PSD3: variants seen among roughly 807,000 people sequenced by gnomAD.
PSD3 encodes the protein PH and SEC7 domain-containing protein 3.
In PSD3, 49 loss-of-function variants were observed where a neutral mutation model predicts 105.5. The ratio of observed to expected loss-of-function variants is 0.46; its 90% CI spans 0.37 to 0.59. The LOEUF (loss-of-function observed/expected upper bound fraction) is 0.59. Among genes scored for constraint, PSD3 ranks in the 20% least tolerant of loss-of-function variants. PSD3 has a pLI of 0.00. For synonymous variants in PSD3, 557 were observed against 457.8 expected (o/e 1.22, Z -2.77); for missense variants, 1,561 against 1,263.8 (o/e 1.24, Z -3.57).
chr8:19,051,212 G>A lies in PSD3; in HGVS notation c.324+32994C>T, dbSNP rs78581585. 2.0e-3 allele frequency among the ~76,000 whole-genome samples: 311 copies of A among 152,128 alleles called. 5 individuals carry two copies. The East Asian group carries it at 0.044, about 21-fold the overall frequency. ...GACCCTCCTCCCTCTGGTCCCAATC[G>A]GGGGATGCTCATTCCTTCCCATCTT... On this transcript the variant is annotated intron_variant, in intron 1 of 1. Coordinates refer to the PSD3 transcript ENST00000521475.
chr8:18,577,137 T>C lies in PSD3; in HGVS notation c.2482-1852A>G, dbSNP rs545580796. Among the ~76,000 whole-genome samples, 5 of 152,098 alleles carry C rather than the reference T, an allele frequency of 3.3e-5. No homozygotes were observed. The South Asian group carries it at 8.3e-4, about 25-fold the overall frequency. ...ATTTTTTCATTGCTTTCTAGATAGT[T>C]TGTAGTTTTAATTTTTTATCTCTTC... On this transcript the variant is annotated intron_variant, in intron 12 of 15. Coordinates refer to ENST00000327040, the MANE Select transcript of PSD3 (RefSeq NM_015310.4).
intron 2 of PSD3, among the ~76,000 whole-genome samples, chr8:18,921,406 C>G (rs185470984): frequency 6.6e-6 from 1 of 152,304 alleles, no homozygotes; most frequent in East Asian, 1.9e-4. Context: ...TGTAGAGATG[C>G]TTGGGTCATC....
intron 1 of PSD3, among the ~76,000 whole-genome samples, chr8:19,034,211 G>A (rs1006171938): frequency 1.3e-5 from 2 of 152,108 alleles, no homozygotes; most frequent in African/African-American, 4.8e-5. Flanking sequence ...CAAGAGAAAA[G>A]TTTGCTCTCT....
chr8:19,022,864 C>CTTTTTTTTTTTTT (rs5889843), intron 1 of PSD3, among the ~76,000 whole-genome samples: 1 of 143,694 alleles, frequency 7.0e-6, no homozygotes, highest in African/African-American at 2.6e-5. Flanking sequence ...TCTCAGGACC[C>CTTTTTTTTTTTTT]TTTTTTTTTT....
At chr8:18,754,583 G>T (rs759200032) in intron 9 of PSD3, among the ~76,000 whole-genome samples, 6 of 152,084 alleles carry the variant, frequency 3.9e-5, no homozygotes, top group Non-Finnish European at 8.8e-5. Flanking sequence ...ATATGCCAGG[G>T]GGAGGATCAG....
intron 1 of PSD3, among the ~76,000 whole-genome samples, chr8:18,973,492 T>C (rs1824765224): frequency 2.0e-5 from 3 of 152,166 alleles, no homozygotes; most frequent in African/African-American, 7.2e-5. Flanking sequence ...CACTCTGGTG[T>C]CTCTTCCTCT....
intron 11 of PSD3, among the ~76,000 whole-genome samples, chr8:18,611,055 C>A (rs1805226683): frequency 6.6e-6 from 1 of 152,064 alleles, no homozygotes; most frequent in Non-Finnish European, 1.5e-5. Flanking sequence ...CATATACAGG[C>A]AGTAACATAA....
At chr8:18,656,790 G>C (rs1233225620) in intron 9 of PSD3, among the ~76,000 whole-genome samples, 1 of 152,020 alleles carries the variant, frequency 6.6e-6, no homozygotes, top group Non-Finnish European at 1.5e-5. Context: ...CATGATAATA[G>C]TGCACAACAG....
intron 9 of PSD3, among the ~76,000 whole-genome samples, chr8:18,687,520 T>G (rs1800725124): frequency 6.6e-6 from 1 of 151,196 alleles, no homozygotes; most frequent in African/African-American, 2.4e-5. Flanking sequence ...ATACAATAAA[T>G]ACGAAATGAT....
Position 18,872,554 on chromosome 8 carries a change from G to A in PSD3, c.310C>T (p.Leu104Phe). 6.2e-7 allele frequency: 1 copy of A among 1,614,020 alleles called. No individual in the cohort carries two copies. The highest frequency in any genetic ancestry group is 1.1e-5 in the South Asian group (1 of 91,056). Reference sequence around the variant, plus strand: ...TTTGGTCCTTCTGTAACACTGTCGAGCCCAGAGTGGCAGCCAGTAAGAGGC... The same window carrying A: ...TTTGGTCCTTCTGTAACACTGTCGAACCCAGAGTGGCAGCCAGTAAGAGGC... ...VQPLTGCHSG[L>F]DSVTEGPKDV... is the part of the protein sequence containing the mutation. The change falls in exon 3 of 16, where the codon CTC becomes TTC. Residue 104 changes from leucine to phenylalanine, a missense_variant. Transcript: ENST00000327040.
intron 12 of PSD3, among the ~76,000 whole-genome samples, chr8:18,583,813 G>C (rs1032023520): frequency 1.3e-5 from 2 of 152,064 alleles, no homozygotes; most frequent in African/African-American, 2.4e-5. Flanking sequence ...AATTTCTTCA[G>C]AATGAAGAAG....
chr8:18,617,725 T>A (rs2130692692), intron 11 of PSD3, among the ~76,000 whole-genome samples: 1 of 151,940 alleles, frequency 6.6e-6, no homozygotes. Flanking sequence ...CCCTTTGGAG[T>A]TTAGGCACAA....
At chr8:18,970,051 G>A (rs1824531748) in intron 1 of PSD3, among the ~76,000 whole-genome samples, 1 of 39,404 alleles carries the variant, frequency 2.5e-5, no homozygotes, top group Non-Finnish European at 5.9e-5. Context: ...ACCTCGGCCA[G>A]GTGCGGGCTC....
intron 4 of PSD3, among the ~76,000 whole-genome samples, chr8:18,837,400 A>G (rs1433793781): frequency 6.6e-6 from 1 of 152,180 alleles, no homozygotes; most frequent in Non-Finnish European, 1.5e-5. Context: ...GTCACTTAAA[A>G]CAGGTAAAAT....
At chr8:18,828,820 T>A (rs925870860) in intron 4 of PSD3, among the ~76,000 whole-genome samples, 1 of 151,030 alleles carries the variant, frequency 6.6e-6, no homozygotes, top group Admixed American at 6.6e-5. Context: ...AACAAAAAAT[T>A]GGGCATCGGG....
chr8:18,630,344 G>A (rs1448929496), intron 11 of PSD3, among the ~76,000 whole-genome samples: 1 of 151,928 alleles, frequency 6.6e-6, no homozygotes, highest in African/African-American at 2.4e-5. Context: ...GCAATCCTCA[G>A]GTTCTGTATC....
At position 18,553,447 on chromosome 8, in the gene PSD3, G is replaced by T. The variant is rs147803851; in HGVS notation, c.2928+2762C>A. Among the ~76,000 whole-genome samples, 492 of 152,304 alleles carry T rather than the reference G, an allele frequency of 3.2e-3. 4 individuals carry two copies. Among genetic ancestry groups the T allele is most frequent in the African/African-American group, 0.011 (441 of 41,566 alleles). On this transcript the variant is annotated intron_variant, in intron 15 of 15. Transcript: ENST00000327040. ...ACAATGAATACTAAGGTTTCTCAGAGAATTACTTCCTCTGATGTTATCTTT... is the reference window on the plus strand; with the variant it reads ...ACAATGAATACTAAGGTTTCTCAGATAATTACTTCCTCTGATGTTATCTTT...
intron 4 of PSD3, chr8:18,808,650 G>T (rs1347085634): frequency 9.8e-6 from 14 of 1,430,220 alleles, no homozygotes; most frequent in Admixed American, 1.8e-5. Flanking sequence ...TCCCTAGATG[G>T]CTTCATTCTG....
chr8:19,040,441 A>G (rs1828083802), intron 1 of PSD3, among the ~76,000 whole-genome samples: 1 of 152,156 alleles, frequency 6.6e-6, no homozygotes, highest in Non-Finnish European at 1.5e-5. Flanking sequence ...CCTGCGCTCA[A>G]GTGATCCACA....
Sources: allele counts gnomAD v4.1 joint callset (sites outside exome capture counted in the v4.1 genomes callset), GRCh38; gene constraint gnomAD v4.1.1; transcripts MANE v1.5; gene names NCBI Gene and HGNC (gene_info 2026-07-23, HGNC 2026-07-21).